SND1: variants seen among roughly 807,000 people sequenced by gnomAD.
SND1 encodes staphylococcal nuclease and tudor domain containing 1.
In SND1, 38 loss-of-function variants were observed where a neutral mutation model predicts 121.7. The observed-to-expected ratio is 0.31, with a 90% confidence interval of 0.24 to 0.41. The LOEUF is 0.41. SND1 is among the 10% of genes least tolerant of loss of function. The pLI, the probability that SND1 is intolerant of heterozygous loss-of-function variation, is 1.00. For synonymous variants in SND1, 401 were observed against 447.4 expected (o/e 0.90, Z 1.31); for missense variants, 868 against 1,184.6 (o/e 0.73, Z 3.92).
chr7:127,970,817 A>G (rs1245907094), intron 15 of SND1, among the ~76,000 whole-genome samples: 2 of 152,104 alleles, frequency 1.3e-5, no homozygotes, highest in Admixed American at 1.3e-4. Flanking sequence ...GTTAATAAAA[A>G]TCCTGATTAG....
intron 20 of SND1, chr7:128,086,591 G>A (rs916553640): frequency 3.9e-5 from 14 of 362,468 alleles, no homozygotes; most frequent in Non-Finnish European, 5.8e-5. Context: ...CCCCTGGCCT[G>A]TGGGAACGTA....
intron 9 of SND1, among the ~76,000 whole-genome samples, chr7:127,720,847 T>G (rs748659236): frequency 2.0e-5 from 3 of 152,234 alleles, no homozygotes; most frequent in Non-Finnish European, 2.9e-5. Flanking sequence ...TGGGGCATCC[T>G]ATTTTGGTTC....
intron 13 of SND1, among the ~76,000 whole-genome samples, chr7:127,895,970 C>T (rs760989446): frequency 2.0e-5 from 3 of 152,058 alleles, no homozygotes; most frequent in Non-Finnish European, 4.4e-5. Context: ...GTATAGCTGA[C>T]GCCCTTTAGC....
chr7:127,879,764 T>C (rs368910716), intron 12 of SND1, among the ~76,000 whole-genome samples: 4 of 152,218 alleles, frequency 2.6e-5, no homozygotes, highest in East Asian at 1.9e-4. Context: ...ATTAAGACAT[T>C]GGAGTTTTTG....
chr7:128,006,842 A>G lies in SND1; in HGVS notation c.1779+15786A>G, dbSNP rs114350974. On this transcript the variant is annotated intron_variant, in intron 16 of 23. Transcript: ENST00000354725. ...AGCCACTTACCTGAGTGGGCAGTTA[A>G]TGGTGAGCAGTGGGAGTGGCAGTTC... 5.0e-3 allele frequency among the ~76,000 whole-genome samples: 766 copies of G among 152,330 alleles called. 5 individuals are homozygous for G. Among genetic ancestry groups the G allele is most frequent in the African/African-American group, 0.018 (738 of 41,578 alleles).
chr7:127,864,265 G>A (rs2116688328), intron 12 of SND1, among the ~76,000 whole-genome samples: 1 of 142,808 alleles, frequency 7.0e-6, no homozygotes, highest in South Asian at 2.2e-4. Flanking sequence ...CAAAGGCTCA[G>A]TTTATGAGGA....
In SND1 at chr7:128,052,309, T is replaced by C. The variant is rs143076915; in HGVS notation, c.1780-22193T>C. Among the ~76,000 whole-genome samples the C allele has an allele frequency of 9.1e-4, 139 of 152,274 alleles. 1 individual carries two copies. The highest frequency in any genetic ancestry group is 3.4e-3 in the Middle Eastern group (1 of 294). ...CTAGCTCAGTGCCCCAGCTTTAGCC[T>C]AATGCCCATCTCAGCTGTCTGGACA... On this transcript the variant is annotated intron_variant, in intron 16 of 23. Transcript: ENST00000354725. The surrounding 1 kb of genome is among the most constrained non-coding windows in gnomAD (Gnocchi z 4.6).
chr7:127,977,784 A>G (rs1052831335), intron 15 of SND1, among the ~76,000 whole-genome samples: 2 of 152,164 alleles, frequency 1.3e-5, no homozygotes, highest in African/African-American at 4.8e-5. Flanking sequence ...ATTCAGAGGA[A>G]TAACTATAGA....
chr7:127,972,326 A>G (rs1264327508), intron 15 of SND1, among the ~76,000 whole-genome samples: 1 of 152,022 alleles, frequency 6.6e-6, no homozygotes, highest in South Asian at 2.1e-4. Context: ...CAGTGGCACA[A>G]TCTTGGCTCA....
At chr7:127,821,770 A>T (rs1798554124) in intron 11 of SND1, among the ~76,000 whole-genome samples, 1 of 152,218 alleles carries the variant, frequency 6.6e-6, no homozygotes, top group African/African-American at 2.4e-5. Context: ...CAGTGATTTT[A>T]AAAAATTTTT....
Position 128,029,098 on chromosome 7 carries a change from T to C in SND1, c.1779+38042T>C, listed in dbSNP as rs755655980. The C allele has an allele frequency of 6.2e-7, 1 of 1,614,174 alleles. No individual in the cohort carries two copies. Among genetic ancestry groups the C allele is most frequent in the Middle Eastern group, 1.6e-4 (1 of 6,062 alleles). ...ATGACTTCATCCAGGCTGGTCTGCA[T>C]CTTGTCAGTGGTGTCTGTCGCGGGT... is the stretch of plus-strand genomic sequence containing the variant. On this transcript the variant is annotated intron_variant, in intron 16 of 23. Coordinates refer to ENST00000354725, the MANE Select transcript of SND1 (RefSeq NM_014390.4). The surrounding 1 kb of genome is among the most constrained non-coding windows in gnomAD (Gnocchi z 4.2).
At chr7:128,042,886 A>C (rs1028788688) in intron 16 of SND1, among the ~76,000 whole-genome samples, 1 of 152,198 alleles carries the variant, frequency 6.6e-6, no homozygotes, top group African/African-American at 2.4e-5. Context: ...CTCTTTTAAG[A>C]TGTTATTTGT....
intron 13 of SND1, among the ~76,000 whole-genome samples, chr7:127,895,484 A>G (rs535981536): frequency 3.4e-4 from 52 of 152,146 alleles, no homozygotes; most frequent in African/African-American, 1.2e-3. Flanking sequence ...TTAACTTTGG[A>G]AATGCACACC....
intron 1 of SND1, among the ~76,000 whole-genome samples, chr7:127,680,911 T>C (rs1795713289): frequency 6.6e-6 from 1 of 152,098 alleles, no homozygotes; most frequent in Non-Finnish European, 1.5e-5. Flanking sequence ...TAAGAAATTA[T>C]AAAAGTATTA....
At chr7:127,840,130 A>T (rs1798937210) in intron 11 of SND1, among the ~76,000 whole-genome samples, 1 of 152,154 alleles carries the variant, frequency 6.6e-6, no homozygotes, top group Non-Finnish European at 1.5e-5. Context: ...TGGTCTCCCC[A>T]CTCTTGGAGC....
At chr7:127,915,170 C>T (rs942684355) in intron 14 of SND1, among the ~76,000 whole-genome samples, 2 of 152,036 alleles carry the variant, frequency 1.3e-5, no homozygotes, top group African/African-American at 4.8e-5. Context: ...TGTACCACTA[C>T]GCCAGGCTAA....
chr7:128,049,633 A>T (rs953292373), intron 16 of SND1, among the ~76,000 whole-genome samples: 1 of 152,128 alleles, frequency 6.6e-6, no homozygotes, highest in African/African-American at 2.4e-5. Context: ...AGCAGCGTGG[A>T]CCTTGGAATC....
At chr7:127,657,704 C>T (rs1224469811) in intron 1 of SND1, among the ~76,000 whole-genome samples, 2 of 151,990 alleles carry the variant, frequency 1.3e-5, no homozygotes, top group African/African-American at 4.8e-5. Flanking sequence ...TGCTATGTTG[C>T]CCAGGCTGGT....
chr7:128,086,882 G>A, intron 20 of SND1, 56 bp from the exon 21 acceptor site: 1 of 1,397,632 alleles, frequency 7.2e-7, no homozygotes, highest in Non-Finnish European at 1.0e-6. Flanking sequence ...GCTGTCCTGT[G>A]AGAGAGCAAG....
Sources: gnomAD v4.1 joint callset for allele counts (sites outside exome capture counted in the v4.1 genomes callset) on GRCh38, gnomAD v4.1.1 for gene constraint, Gnocchi (gnomAD v3.1) non-coding constraint, MANE v1.5 for transcripts, NCBI Gene and HGNC (gene_info 2026-07-23, HGNC 2026-07-21) for gene names.